SMARCD3: variants seen among roughly 807,000 people sequenced by gnomAD.
SMARCD3 encodes the protein SWI/SNF-related matrix-associated actin-dependent regulator of chromatin subfamily D member 3.
Under a neutral mutation model 58.0 loss-of-function variants are expected in SMARCD3, and 14 were observed. That is an observed-to-expected ratio of 0.24 (90% CI 0.16 to 0.38). The LOEUF is 0.38. SMARCD3 is among the 10% of genes least tolerant of loss of function. The pLI is 1.00. For missense variants in SMARCD3, 408 were observed against 636.9 expected (o/e 0.64, Z 3.87); for synonymous variants, 253 against 253.8 (o/e 1.00, Z 0.03).
Position 151,242,606 on chromosome 7 carries a change from G to A in SMARCD3, c.457-3C>T. 1.9e-6 allele frequency: 3 copies of A among 1,613,048 alleles called. No homozygotes were observed. The highest frequency in any genetic ancestry group is 2.5e-6 in the Non-Finnish European group (3 of 1,179,030). ...TAGAGTCGCAGCTTCCGCTTTTGCT[G>A]TAGAAATAGAGTGCAGAACCGGGCG... On this transcript the variant is annotated splice_region_variant and splice_polypyrimidine_tract_variant and intron_variant, in intron 4 of 12. Transcript: ENST00000262188. This position sits in a 1 kb window ranked among gnomAD's most constrained non-coding sequence, Gnocchi z 4.7.
At chr7:151,244,771 CA>C (rs1208364172) in intron 2 of SMARCD3, among the ~76,000 whole-genome samples, 1 of 152,036 alleles carries the variant, frequency 6.6e-6, no homozygotes, top group Non-Finnish European at 1.5e-5. Context: ...ATCTGTTGTG[CA>C]AAAAAAGCAT....
rs781108215 is a variant in SMARCD3, at chr7:151,242,124, C to T, written c.675+13G>A. On this transcript the variant is annotated intron_variant, in intron 6 of 12. Transcript: ENST00000262188. This position sits in a 1 kb window ranked among gnomAD's most constrained non-coding sequence, Gnocchi z 4.7. ...GGGTGGCAATTCAAGGGCGGAGGGG[C>T]TCTTGGTCTTACCTCAACGAGGTGG... 5 of 1,600,712 alleles carry T rather than the reference C, an allele frequency of 3.1e-6. No individual in the cohort carries two copies. Among genetic ancestry groups the T allele is most frequent in the South Asian group, 1.1e-5 (1 of 90,826 alleles).
At chr7:151,273,838 C>T (rs1409437705) in intron 2 of SMARCD3, among the ~76,000 whole-genome samples, 1 of 152,194 alleles carries the variant, frequency 6.6e-6, no homozygotes, top group Admixed American at 6.5e-5. Flanking sequence ...AAAGCCGGTG[C>T]CCTGCCCCAT....
chr7:151,264,327 G>A (rs1804014907), intron 2 of SMARCD3, among the ~76,000 whole-genome samples: 1 of 152,186 alleles, frequency 6.6e-6, no homozygotes, highest in African/African-American at 2.4e-5. Context: ...CCAAGGTGCT[G>A]GGATTACAGG....
In SMARCD3 at chr7:151,248,067, C is replaced by T. The variant is rs879555714; in HGVS notation, c.78+418G>A. On this transcript the variant is annotated intron_variant, in intron 1 of 12. Transcript: ENST00000262188. The surrounding 1 kb of genome is among the most constrained non-coding windows in gnomAD (Gnocchi z 6.1). ...CTTGCTCCGGAGACACAAGCAGTGA[C>T]ACTGTCCCAACGGATGAACAGACAG... Among the ~76,000 whole-genome samples the T allele has an allele frequency of 2.0e-5, 3 of 152,178 alleles. No individual in the cohort carries two copies. Among genetic ancestry groups the T allele is most frequent in the Non-Finnish European group, 4.4e-5 (3 of 68,020 alleles).
Position 151,241,065 on chromosome 7 carries a change from A to C in SMARCD3, c.939+427T>G. On this transcript the variant is annotated intron_variant, in intron 8 of 12. Transcript: ENST00000262188. The surrounding 1 kb of genome is among the most constrained non-coding windows in gnomAD (Gnocchi z 5.3). ...ATTTTGCTCAATCACTTTTGCAGCA[A>C]TTTGATTTTCCTAACTGCCCAGGAG... 4.3e-6 allele frequency: 1 copy of C among 233,592 alleles called. No individual in the cohort carries two copies. The highest frequency in any genetic ancestry group is 8.5e-6 in the Non-Finnish European group (1 of 117,054). 14.5% of individuals were successfully genotyped at this position (233,592 alleles called of 1,614,324 possible).
At position 151,238,974 on chromosome 7, in the gene SMARCD3, G is replaced by T; in HGVS notation, c.*129C>A. On this transcript the variant is annotated 3_prime_UTR_variant, in exon 13 of 13. Transcript: ENST00000262188. ...AGTTTCCAATGACCACACGGCTGCTGTCAGATGAATGACTTTTAATCCAGC... is the reference window on the plus strand; with the variant it reads ...AGTTTCCAATGACCACACGGCTGCTTTCAGATGAATGACTTTTAATCCAGC... The T allele has an allele frequency of 8.9e-7, 1 of 1,117,466 alleles. No homozygotes were observed. The highest frequency in any genetic ancestry group is 1.4e-6 in the Non-Finnish European group (1 of 738,542). The allele number at this position is 1,117,466 out of a possible 1,614,324, so 69.2% of individuals were successfully genotyped here. A position where few individuals can be genotyped will look rare whatever the true frequency, so the allele number is the denominator to read the frequency against.
chr7:151,250,966 G>C (rs1310649832), upstream of SMARCD3, among the ~76,000 whole-genome samples: 1 of 152,236 alleles, frequency 6.6e-6, no homozygotes, highest in Non-Finnish European at 1.5e-5. Flanking sequence ...GGAAACCACA[G>C]GCCTTGGAGG....
rs1175585194 is a variant in SMARCD3 at position 151,248,190 on chromosome 7, C to T, written c.78+295G>A. Among the ~76,000 whole-genome samples the T allele has an allele frequency of 3.3e-5, 5 of 151,894 alleles. No homozygotes were observed. Among genetic ancestry groups the T allele is most frequent in the Admixed American group, 6.5e-5 (1 of 15,270 alleles). On this transcript the variant is annotated intron_variant, in intron 1 of 12. Transcript: ENST00000262188. This position sits in a 1 kb window ranked among gnomAD's most constrained non-coding sequence, Gnocchi z 6.1. Reference sequence around the variant, plus strand: ...AGGAAAAGAACGAAAGTCAACCTGTCGGCTACAGCGAGGACCCCCTACTTG... The same window carrying T: ...AGGAAAAGAACGAAAGTCAACCTGTTGGCTACAGCGAGGACCCCCTACTTG...
chr7:151,256,175 C>T (rs893358862), intron 2 of SMARCD3, among the ~76,000 whole-genome samples: 4 of 150,968 alleles, frequency 2.6e-5, no homozygotes, highest in African/African-American at 9.8e-5. Context: ...AGCCACTGCG[C>T]CTGGCTTTTT....
chr7:151,253,203 A>G (rs1324792926), upstream of SMARCD3, among the ~76,000 whole-genome samples: 6 of 152,130 alleles, frequency 3.9e-5, no homozygotes, highest in Non-Finnish European at 8.8e-5. Context: ...GCAGACCCGC[A>G]CCGAGTGAGT....
rs1188289052 is a variant in SMARCD3 at position 151,260,504 on chromosome 7, AAATG to A, written c.39+14606_39+14609del. On this transcript the variant is annotated intron_variant, in intron 2 of 13. Transcript: ENST00000356800. ...CTTTTTAGCCAAAAACAAGAAAAAAAAATGAATGCTAGTTAAACTTGGAACAAGC... is the reference window on the plus strand; with the variant it reads ...CTTTTTAGCCAAAAACAAGAAAAAAAAATGCTAGTTAAACTTGGAACAAGC... Among the ~76,000 whole-genome samples, 14 of 152,336 alleles carry A rather than the reference AAATG, an allele frequency of 9.2e-5. No homozygotes were observed. The East Asian group carries it at 2.5e-3, about 27-fold the overall frequency.
At chr7:151,275,862 G>A (rs1377212429) in intron 1 of SMARCD3, among the ~76,000 whole-genome samples, 1 of 152,186 alleles carries the variant, frequency 6.6e-6, no homozygotes, top group Non-Finnish European at 1.5e-5. Context: ...AGCAGACGGT[G>A]GGGCATGGGA....
chr7:151,247,336 A>G (rs1025153828), intron 1 of SMARCD3, among the ~76,000 whole-genome samples: 6 of 151,978 alleles, frequency 3.9e-5, no homozygotes, highest in Non-Finnish European at 7.4e-5. Flanking sequence ...GCTAGCTGAC[A>G]TGGACACCTT....
upstream of SMARCD3, among the ~76,000 whole-genome samples, chr7:151,251,122 G>A (rs1803495297): frequency 6.6e-6 from 1 of 152,110 alleles, no homozygotes. Flanking sequence ...GCAGGGCCTG[G>A]GAGATCCCGG....
chr7:151,248,705 C>A, upstream of SMARCD3: 10 of 1,367,532 alleles, frequency 7.3e-6, no homozygotes, highest in South Asian at 1.6e-4. This position sits in a 1 kb window ranked among gnomAD's most constrained non-coding sequence, Gnocchi z 6.1. Context: ...GGGGAGGGGG[C>A]CCCTTCAGGG....
At chr7:151,252,759 TTCC>T (rs1408439042), upstream of SMARCD3, among the ~76,000 whole-genome samples, 1 of 151,968 alleles carries the variant, frequency 6.6e-6, no homozygotes, top group East Asian at 1.9e-4. Flanking sequence ...ATCAGGCACC[TTCC>T]TCCTCCTCCT....
chr7:151,265,102 G>T (rs1045642439), intron 2 of SMARCD3, among the ~76,000 whole-genome samples: 2 of 152,188 alleles, frequency 1.3e-5, no homozygotes, highest in East Asian at 1.9e-4. Context: ...CCCTGCTATG[G>T]GTTGAACTGT....
chr7:151,242,391 C>G lies in SMARCD3; in HGVS notation c.579+90G>C. 7 of 1,546,974 alleles carry G rather than the reference C, an allele frequency of 4.5e-6. No individual in the cohort carries two copies. The highest frequency in any genetic ancestry group is 6.2e-6 in the Non-Finnish European group (7 of 1,127,484). On this transcript the variant is annotated intron_variant, in intron 5 of 12. Coordinates refer to ENST00000262188, the MANE Select transcript of SMARCD3 (RefSeq NM_001003801.2). This position sits in a 1 kb window ranked among gnomAD's most constrained non-coding sequence, Gnocchi z 4.7. ...CCCCTCCACCCAGCCTGGGCTGACT[C>G]CCTAGCCCTTAGTGCAGACACCTTG... is the stretch of plus-strand genomic sequence containing the variant.
Sources: gnomAD v4.1 joint callset for allele counts (sites outside exome capture counted in the v4.1 genomes callset) on GRCh38, gnomAD v4.1.1 for gene constraint, Gnocchi (gnomAD v3.1) non-coding constraint, MANE v1.5 for transcripts, NCBI Gene and HGNC (gene_info 2026-07-23, HGNC 2026-07-21) for gene names.